Variants in HMGB1 observed in about 807,000 individuals in gnomAD.
HMGB1 encodes the protein high mobility group box 1.
For synonymous variants in HMGB1, 81 were observed against 84.0 expected (o/e 0.96, Z 0.19); for missense variants, 79 against 253.5 (o/e 0.31, Z 4.67).
At chr13:30,471,312 A>G (rs908567952) in intron 1 of HMGB1, among the ~76,000 whole-genome samples, 9 of 151,878 alleles carry the variant, frequency 5.9e-5, no homozygotes, top group African/African-American at 2.2e-4. Context: ...TCCCATGTTC[A>G]ACCAAACCAA....
At chr13:30,555,042 T>G (rs963842672) in intron 1 of HMGB1, among the ~76,000 whole-genome samples, 3 of 135,294 alleles carry the variant, frequency 2.2e-5, no homozygotes, top group Non-Finnish European at 4.8e-5. Context: ...TGTTTTTTTT[T>G]TTTTTTTTTT....
At chr13:30,509,649 T>C (rs1285091391) in intron 1 of HMGB1, among the ~76,000 whole-genome samples, 2 of 152,148 alleles carry the variant, frequency 1.3e-5, no homozygotes, top group East Asian at 3.8e-4. Context: ...TGCAGGAATA[T>C]GAGTGCAAAA....
At chr13:30,562,182 A>C (rs1205274831) in intron 1 of HMGB1, among the ~76,000 whole-genome samples, 4 of 151,982 alleles carry the variant, frequency 2.6e-5, no homozygotes, top group Non-Finnish European at 5.9e-5. Flanking sequence ...CTGTAATCCC[A>C]GCTACTAGGG....
intron 1 of HMGB1, among the ~76,000 whole-genome samples, chr13:30,521,353 C>T (rs1478150969): frequency 6.6e-6 from 1 of 152,134 alleles, no homozygotes; most frequent in Non-Finnish European, 1.5e-5. Context: ...AAATCCTGGA[C>T]CAATTAGTAG....
chr13:30,479,779 C>G (rs932442526), intron 1 of HMGB1, among the ~76,000 whole-genome samples: 1 of 152,224 alleles, frequency 6.6e-6, no homozygotes, highest in Admixed American at 6.5e-5. Flanking sequence ...AAGAGCTCAG[C>G]CTACAGTGTA....
intron 1 of HMGB1, among the ~76,000 whole-genome samples, chr13:30,583,528 C>CAAAAAAA (rs35519297): frequency 1.5e-5 from 1 of 66,970 alleles, no homozygotes; most frequent in African/African-American, 5.7e-5. Context: ...ACCTGGTCTC[C>CAAAAAAA]AAAAAAAAAA....
intron 1 of HMGB1, among the ~76,000 whole-genome samples, chr13:30,491,185 C>T (rs370619281): frequency 2.0e-5 from 3 of 152,036 alleles, no homozygotes; most frequent in African/African-American, 7.2e-5. Context: ...TGTGGCACCA[C>T]GCCTGGCTAA....
chr13:30,457,671 G>C lies in HMGB1; in HGVS notation c.*3686C>G, dbSNP rs1886047389. ...CTTAGACTGAACCCCCCTGGAAGACGAGCATTACATATTCTGGAGTGTGGC... is the reference window on the plus strand; with the variant it reads ...CTTAGACTGAACCCCCCTGGAAGACCAGCATTACATATTCTGGAGTGTGGC... On this transcript the variant is annotated 3_prime_UTR_variant, in exon 5 of 5. Coordinates refer to ENST00000341423, the MANE Select transcript of HMGB1 (RefSeq NM_002128.7). 1 of 152,180 alleles carries C rather than the reference G, an allele frequency of 6.6e-6. No individual in the cohort carries two copies. The highest frequency in any genetic ancestry group is 6.5e-5 in the Admixed American group (1 of 15,276). 9.4% of individuals were successfully genotyped at this position (152,180 alleles called of 1,614,324 possible).
In HMGB1 at chr13:30,460,030, A is replaced by C. The variant is rs1207086855; in HGVS notation, c.*1327T>G. The stretch of plus-strand genomic sequence containing the variant: ...AAGAACGCTATTTTAAAATACTGGC[A>C]CTTTAAGAAAACGATAATCTCGAAA... On this transcript the variant is annotated 3_prime_UTR_variant, in exon 5 of 5. Coordinates refer to ENST00000341423, the MANE Select transcript of HMGB1 (RefSeq NM_002128.7). The C allele has an allele frequency of 1.3e-5, 2 of 152,564 alleles. No individual in the cohort carries two copies. The highest frequency in any genetic ancestry group is 4.8e-5 in the African/African-American group (2 of 41,418). The allele number at this position is 152,564 out of a possible 1,614,324, so 9.5% of individuals were successfully genotyped here. A position where few individuals can be genotyped will look rare whatever the true frequency, so the allele number is the denominator to read the frequency against.
At chr13:30,466,903 A>G (rs1434333915), upstream of HMGB1, among the ~76,000 whole-genome samples, 1 of 152,214 alleles carries the variant, frequency 6.6e-6, no homozygotes, top group Non-Finnish European at 1.5e-5. Context: ...AATCCTTGTG[A>G]TGCTATCTTT....
In HMGB1 at chr13:30,590,379, T is replaced by G. The variant is rs145272829; in HGVS notation, c.-15+26292A>C. On this transcript the variant is annotated intron_variant, in intron 1 of 4. Transcript: ENST00000405805. ...TGAGACTGGCTAATTTTTGTATTTTTGGTAGAGACGGCGTTTCACCATGTT... is the reference window on the plus strand; with the variant it reads ...TGAGACTGGCTAATTTTTGTATTTTGGGTAGAGACGGCGTTTCACCATGTT... 5.3e-3 allele frequency among the ~76,000 whole-genome samples: 808 copies of G among 152,368 alleles called. 7 individuals carry two copies. Among genetic ancestry groups the G allele is most frequent in the African/African-American group, 0.017 (723 of 41,588 alleles).
At chr13:30,475,026 G>GCTCT (rs1192619297) in intron 1 of HMGB1, among the ~76,000 whole-genome samples, 2 of 76,720 alleles carry the variant, frequency 2.6e-5, no homozygotes, top group Admixed American at 2.1e-4. Context: ...TGCGACCTCA[G>GCTCT]CTCTCTCTCT....
intron 1 of HMGB1, among the ~76,000 whole-genome samples, chr13:30,562,932 T>G (rs558188802): frequency 6.6e-6 from 1 of 152,264 alleles, no homozygotes; most frequent in South Asian, 2.1e-4. Flanking sequence ...GGATTAGCAC[T>G]AAGAAGGAAG....
chr13:30,565,366 G>A (rs1397470255), intron 1 of HMGB1, among the ~76,000 whole-genome samples: 1 of 152,134 alleles, frequency 6.6e-6, no homozygotes, highest in Non-Finnish European at 1.5e-5. Context: ...TATAATTTTG[G>A]AGGTTCTAAA....
chr13:30,533,335 C>T (rs554969137), intron 1 of HMGB1, among the ~76,000 whole-genome samples: 3 of 152,252 alleles, frequency 2.0e-5, no homozygotes, highest in East Asian at 1.9e-4. Context: ...AGAACCATAA[C>T]GCTTCCTCTA....
intron 1 of HMGB1, among the ~76,000 whole-genome samples, chr13:30,524,810 T>C (rs1888328712): frequency 2.0e-5 from 3 of 152,078 alleles, no homozygotes; most frequent in Admixed American, 2.0e-4. Context: ...CATCTGCAGT[T>C]TATACACTTG....
chr13:30,616,327 A>T (rs1039974272), intron 1 of HMGB1, among the ~76,000 whole-genome samples: 4 of 152,266 alleles, frequency 2.6e-5, no homozygotes, highest in Non-Finnish European at 4.4e-5. Flanking sequence ...ACTAAAATTC[A>T]ACTTTGCAGA....
rs1219241326 is a variant in HMGB1 at position 30,457,833 on chromosome 13, T to C, written c.*3524A>G. On this transcript the variant is annotated 3_prime_UTR_variant, in exon 5 of 5. Coordinates refer to ENST00000341423, the MANE Select transcript of HMGB1 (RefSeq NM_002128.7). ...GCATAGACCCATGGAATTTCCCAAG[T>C]TGTGGCAAGTGTTATTAGCACTGCC... 6.6e-6 allele frequency: 1 copy of C among 152,214 alleles called. No homozygotes were observed. Among genetic ancestry groups the C allele is most frequent in the Non-Finnish European group, 1.5e-5 (1 of 68,044 alleles). The allele number at this position is 152,214 out of a possible 1,614,324, so 9.4% of individuals were successfully genotyped here.
At chr13:30,469,548 C>G (rs1886873393), upstream of HMGB1, among the ~76,000 whole-genome samples, 2 of 120,410 alleles carry the variant, frequency 1.7e-5, no homozygotes, top group African/African-American at 5.1e-5. Flanking sequence ...CTCACTGCAG[C>G]CTTGACTTTC....
Sources: gnomAD v4.1 joint callset for allele counts (sites outside exome capture counted in the v4.1 genomes callset) on GRCh38, gnomAD v4.1.1 for gene constraint, MANE v1.5 for transcripts, NCBI Gene and HGNC (gene_info 2026-07-23, HGNC 2026-07-21) for gene names.